Variants in VPS53 observed in about 807,000 individuals in gnomAD.
VPS53 encodes the protein vacuolar protein sorting-associated protein 53 homolog.
Under a neutral mutation model 107.0 loss-of-function variants are expected in VPS53, and 70 were observed. The ratio of observed to expected loss-of-function variants is 0.65; its 90% CI spans 0.54 to 0.80. The LOEUF is 0.80. Ranked by LOEUF, VPS53 falls within the 30% of genes least tolerant of loss-of-function variation. The probability of loss-of-function intolerance (pLI) is 0.00; values close to 1 mark genes in which losing one functional copy is unlikely to be tolerated. For missense variants in VPS53, 917 were observed against 1,049.4 expected, an observed-to-expected ratio of 0.87 and a Z score of 1.74; for synonymous variants, 409 against 393.3, an observed-to-expected ratio of 1.04 and a Z score of -0.47.
At chr17:695,812 A>G (rs1972940150) in intron 4 of VPS53, among the ~76,000 whole-genome samples, 1 of 152,154 alleles carries the variant, frequency 6.6e-6, no homozygotes, top group Admixed American at 6.5e-5. Flanking sequence ...TCGGCCTCCC[A>G]AAGTGTTGGG....
intron 2 of VPS53, among the ~76,000 whole-genome samples, chr17:704,332 C>T (rs150553482): frequency 2.0e-5 from 3 of 152,214 alleles, no homozygotes; most frequent in Non-Finnish European, 4.4e-5. Context: ...CTCCAGACAA[C>T]CGCAGACACA....
At chr17:631,693 A>G (rs1426570182) in intron 7 of VPS53, 65 bp from the exon 8 acceptor site, 1 of 1,482,932 alleles carries the variant, frequency 6.7e-7, no homozygotes, top group Non-Finnish European at 9.4e-7. Flanking sequence ...ACACCGATCC[A>G]CAGGGTCGGA....
At chr17:652,806 G>T (rs1385507504) in intron 7 of VPS53, among the ~76,000 whole-genome samples, 2 of 152,204 alleles carry the variant, frequency 1.3e-5, no homozygotes, top group Non-Finnish European at 2.9e-5. Context: ...CACAAATGGG[G>T]ACAACTGAGA....
intron 19 of VPS53, 112 bp from the exon 20 acceptor site, chr17:521,850 C>CA (rs1938565039): frequency 1.6e-6 from 2 of 1,229,804 alleles, no homozygotes; most frequent in Non-Finnish European, 2.1e-6. Flanking sequence ...ATTCTTGTTG[C>CA]AAAAAATTGG....
chr17:652,516 C>T (rs571287054), intron 7 of VPS53, among the ~76,000 whole-genome samples: 1 of 152,244 alleles, frequency 6.6e-6, no homozygotes, highest in Admixed American at 6.5e-5. Flanking sequence ...AGCCACCTTA[C>T]CGTGAGGAAG....
chr17:612,749 T>C (rs1289708466), intron 11 of VPS53, among the ~76,000 whole-genome samples: 31 of 128,076 alleles, frequency 2.4e-4, no homozygotes, highest in Non-Finnish European at 4.3e-4. Flanking sequence ...TGTACAGATA[T>C]TCACAGCAGT....
rs1466261705 is a variant in VPS53 at position 560,439 on chromosome 17, G to C, written c.1691C>G (p.Ala564Gly). Residue 564 changes from alanine (A) to glycine (G), a missense_variant, in exon 15 of 22, where the codon GCC becomes GGC. Ala to Gly is a moderately conservative substitution (Grantham distance 60). Transcript: ENST00000437048. ...NILSTAEYCLATTQQLEEKLK... is the reference protein window; with the variant it reads ...NILSTAEYCLGTTQQLEEKLK... ...AGGATGGCTCACCTGCTGGGTGGTG[G>C]CCAGACAGTACTCTGCCGTGCTCAG... 1 of 1,611,306 alleles carries C rather than the reference G, an allele frequency of 6.2e-7. No individual in the cohort carries two copies. The highest frequency in any genetic ancestry group is 8.5e-7 in the Non-Finnish European group (1 of 1,179,362).
At chr17:521,039 C>T (rs1196461135) in intron 20 of VPS53, among the ~76,000 whole-genome samples, 1 of 152,212 alleles carries the variant, frequency 6.6e-6, no homozygotes, top group Non-Finnish European at 1.5e-5. Context: ...CACATCACCA[C>T]AGGACCATCT....
chr17:548,078 G>A (rs1035533408), intron 17 of VPS53, among the ~76,000 whole-genome samples: 4 of 152,182 alleles, frequency 2.6e-5, no homozygotes, highest in African/African-American at 9.7e-5. Context: ...AAAAGGCATG[G>A]AAGCCGCAAA....
At chr17:664,490 T>C (rs1480802892) in intron 4 of VPS53, among the ~76,000 whole-genome samples, 2 of 152,082 alleles carry the variant, frequency 1.3e-5, no homozygotes, top group African/African-American at 2.4e-5. Flanking sequence ...TAGTGCAATA[T>C]TGCAGCGGGA....
At chr17:688,885 C>T (rs144769932) in intron 4 of VPS53, among the ~76,000 whole-genome samples, 1 of 152,308 alleles carries the variant, frequency 6.6e-6, no homozygotes, top group Non-Finnish European at 1.5e-5. Flanking sequence ...CAAACCTCAG[C>T]AATTCCTGAA....
intron 2 of VPS53, among the ~76,000 whole-genome samples, chr17:701,503 G>A (rs921837592): frequency 2.0e-5 from 3 of 151,194 alleles, no homozygotes; most frequent in Non-Finnish European, 4.4e-5. Context: ...TCAGCCTCCC[G>A]AGTAGCTGGG....
rs76639737 is a variant in VPS53 at position 510,356 on chromosome 17, G to A, written c.*8772C>T. On this transcript the variant is annotated 3_prime_UTR_variant, in exon 22 of 22. Transcript: ENST00000437048. The stretch of plus-strand genomic sequence containing the variant: ...GCTGACCCCTTACTAGTCACATATC[G>A]AATCCTGGCTCGCCCCTCACTAGTC... The A allele has an allele frequency of 0.012, 263 of 21,458 alleles. No individual in the cohort carries two copies. Among genetic ancestry groups the A allele is most frequent in the African/African-American group, 0.064 (36 of 560 alleles). 1.3% of individuals were successfully genotyped at this position (21,458 alleles called of 1,614,324 possible). A position where few individuals can be genotyped will look rare whatever the true frequency, so the allele number is the denominator to read the frequency against.
Position 714,789 on chromosome 17 carries a change from A to T in VPS53, c.-80T>A. The T allele has an allele frequency of 1.3e-6, 2 of 1,524,794 alleles. No individual in the cohort carries two copies. Among genetic ancestry groups the T allele is most frequent in the South Asian group, 2.2e-5 (2 of 89,178 alleles). 94.5% of individuals were successfully genotyped at this position (1,524,794 alleles called of 1,614,324 possible). A position where few individuals can be genotyped will look rare whatever the true frequency, so the allele number is the denominator to read the frequency against. On this transcript the variant is annotated 5_prime_UTR_variant, in exon 1 of 22. In the 5' UTR this introduces an upstream ATG that the reference lacks. Coordinates refer to ENST00000437048, the MANE Select transcript of VPS53 (RefSeq NM_001128159.3). ...CCGCCACCCAGGCCCCAGCACAGCAACTCCCTCGCGGCAGCGACCTGGTGA... is the reference window on the plus strand; with the variant it reads ...CCGCCACCCAGGCCCCAGCACAGCATCTCCCTCGCGGCAGCGACCTGGTGA...
rs189934729 is a variant in VPS53, at chr17:571,520, C to T, written c.1314-8775G>A. 8.2e-4 allele frequency among the ~76,000 whole-genome samples: 123 copies of T among 149,540 alleles called. 1 individual carries two copies. Among genetic ancestry groups the T allele is most frequent in the Non-Finnish European group, 1.2e-3 (81 of 66,698 alleles). The stretch of plus-strand genomic sequence containing the variant: ...CTCCCTCTCCCTACAGTCTCCCTCT[C>T]CCTCTCCCTACGGTCTCCCTCTCCC... On this transcript the variant is annotated intron_variant, in intron 13 of 21. Transcript: ENST00000437048.
At chr17:565,450 A>G (rs889137597) in intron 13 of VPS53, among the ~76,000 whole-genome samples, 1 of 151,018 alleles carries the variant, frequency 6.6e-6, no homozygotes, top group African/African-American at 2.4e-5. Flanking sequence ...AAGAAAGTCT[A>G]TTATATCCAG....
rs996983052 is a variant in VPS53 at position 512,649 on chromosome 17, C to T, written c.*6479G>A. On this transcript the variant is annotated 3_prime_UTR_variant, in exon 22 of 22. Coordinates refer to ENST00000437048, the MANE Select transcript of VPS53 (RefSeq NM_001128159.3). ...AGCTGTTGAAAAGAAAGAATGGAAA[C>T]GAGGTAATGATCCTGGAGCCTAATG... 6 of 152,286 alleles carry T rather than the reference C, an allele frequency of 3.9e-5. No individual in the cohort carries two copies. Among genetic ancestry groups the T allele is most frequent in the Middle Eastern group, 3.4e-3 (1 of 294 alleles). The allele number at this position is 152,286 out of a possible 1,614,324, so 9.4% of individuals were successfully genotyped here.
intron 2 of VPS53, among the ~76,000 whole-genome samples, chr17:709,279 A>G (rs766984145): frequency 6.6e-6 from 1 of 151,482 alleles, no homozygotes; most frequent in South Asian, 2.1e-4. Context: ...GATCATCTCT[A>G]GTGTATTTGT....
At chr17:671,706 C>CTTTT (rs113856697) in intron 4 of VPS53, among the ~76,000 whole-genome samples, 4 of 138,654 alleles carry the variant, frequency 2.9e-5, no homozygotes, top group African/African-American at 1.1e-4. Context: ...TTTCCCATGA[C>CTTTT]TTTTTTTTTT....
Sources: allele counts gnomAD v4.1 joint callset (sites outside exome capture counted in the v4.1 genomes callset), GRCh38; gene constraint gnomAD v4.1.1; transcripts MANE v1.5; gene names NCBI Gene and HGNC (gene_info 2026-07-23, HGNC 2026-07-21).